The following CSMD1 variants were observed in gnomAD, a reference collection of about 807,000 sequenced individuals.
CSMD1 encodes CUB and Sushi multiple domains 1.
A neutral mutation model predicts 417.5 loss-of-function variants in CSMD1; 213 were observed. The observed-to-expected ratio is 0.51, with a 90% CI of 0.46 to 0.57. The LOEUF (loss-of-function observed/expected upper bound fraction) is 0.57, where lower values mean the gene tolerates loss of function less well. CSMD1 is among the 20% of genes least tolerant of loss of function. The pLI, the probability that CSMD1 is intolerant of heterozygous loss-of-function variation, is 0.00. For missense variants in CSMD1, 6,923 were observed against 4,529.7 expected, an observed-to-expected ratio of 1.53 and a Z score of -15.17; for synonymous variants, 2,862 against 1,736.8, an observed-to-expected ratio of 1.65 and a Z score of -16.11.
intron 3 of CSMD1, among the ~76,000 whole-genome samples, chr8:4,114,786 C>A (rs766603503): frequency 6.6e-6 from 1 of 152,086 alleles, no homozygotes; most frequent in African/African-American, 2.4e-5. Context: ...AGCAGAGGTA[C>A]CTGCAGATGT....
chr8:4,385,987 T>G (rs558968694), intron 3 of CSMD1, among the ~76,000 whole-genome samples: 21 of 150,736 alleles, frequency 1.4e-4, no homozygotes, highest in Admixed American at 2.6e-4. Flanking sequence ...TTAAGTTCAT[T>G]TCCTCTGTTT....
chr8:4,191,609 T>A (rs1584993404), intron 3 of CSMD1, among the ~76,000 whole-genome samples: 1 of 152,070 alleles, frequency 6.6e-6, no homozygotes, highest in Admixed American at 6.5e-5. Flanking sequence ...AAGCTTTCTA[T>A]GTTGAAAGAA....
At chr8:4,424,930 A>C (rs995543905) in intron 2 of CSMD1, among the ~76,000 whole-genome samples, 3 of 152,120 alleles carry the variant, frequency 2.0e-5, no homozygotes. Flanking sequence ...TACATTGGAA[A>C]GGTTGAGACT....
intron 10 of CSMD1, among the ~76,000 whole-genome samples, chr8:3,533,411 C>G (rs1160901301): frequency 6.6e-6 from 1 of 152,168 alleles, no homozygotes; most frequent in East Asian, 1.9e-4. Flanking sequence ...TCCCTGATAA[C>G]AGTGGTTTGA....
At chr8:4,132,465 T>C (rs1803169852) in intron 3 of CSMD1, among the ~76,000 whole-genome samples, 1 of 152,196 alleles carries the variant, frequency 6.6e-6, no homozygotes, top group Non-Finnish European at 1.5e-5. Flanking sequence ...ATTTAACTTT[T>C]ACTTTAACAG....
intron 7 of CSMD1, among the ~76,000 whole-genome samples, chr8:3,686,984 G>A (rs749220304): frequency 5.3e-5 from 8 of 152,280 alleles, no homozygotes; most frequent in South Asian, 2.1e-4. Flanking sequence ...TTGTTCAAAC[G>A]TATCAGGACA....
chr8:3,899,823 C>T (rs1009935910), intron 5 of CSMD1, among the ~76,000 whole-genome samples: 1 of 152,152 alleles, frequency 6.6e-6, no homozygotes, highest in Non-Finnish European at 1.5e-5. Context: ...TCAGTATGAC[C>T]CTACCACAGG....
chr8:4,468,299 T>C (rs1440339046), intron 2 of CSMD1, among the ~76,000 whole-genome samples: 2 of 152,016 alleles, frequency 1.3e-5, no homozygotes, highest in Non-Finnish European at 2.9e-5. Flanking sequence ...GAGAAAGTGT[T>C]GATCTTCTGT....
intron 49 of CSMD1, among the ~76,000 whole-genome samples, chr8:3,057,876 T>C (rs11988388): frequency 0.61 from 92,093 of 152,034 alleles, 28,287 homozygotes; most frequent in Non-Finnish European, 0.65. Flanking sequence ...TAGTGGTTCC[T>C]TATTTCCCGC....
chr8:3,543,352 C>G (rs1011854301), intron 10 of CSMD1, among the ~76,000 whole-genome samples: 1 of 152,082 alleles, frequency 6.6e-6, no homozygotes, highest in African/African-American at 2.4e-5. Context: ...TTTGAGCAAA[C>G]TAGAGATATA....
intron 11 of CSMD1, 151 bp downstream of exon 11, chr8:3,493,472 C>T (rs993947058): frequency 1.7e-6 from 1 of 587,750 alleles, no homozygotes; most frequent in Admixed American, 3.1e-5. Context: ...TGTTCTCATA[C>T]AAAATGAGAT....
At chr8:3,750,718 C>T (rs936689762) in intron 6 of CSMD1, among the ~76,000 whole-genome samples, 2 of 152,070 alleles carry the variant, frequency 1.3e-5, no homozygotes, top group Admixed American at 6.6e-5. Flanking sequence ...TGATCTTACT[C>T]GCAAAAAACC....
rs567130748 is a variant in CSMD1, at chr8:2,976,908, C to T, written c.8566+1704G>A. ...ATCTTCATGGTCTAAAATACACTGA[C>T]AATAAAGCTGTAAGAGGGGCCATAA... On this transcript the variant is annotated intron_variant, in intron 55 of 69. Coordinates refer to ENST00000635120, the MANE Select transcript of CSMD1 (RefSeq NM_033225.6). Among the ~76,000 whole-genome samples the T allele has an allele frequency of 7.2e-4, 110 of 151,734 alleles. No homozygotes were observed. In the South Asian group the frequency reaches 0.015, roughly 20 times the overall value.
chr8:4,447,902 C>T (rs989898187), intron 2 of CSMD1, among the ~76,000 whole-genome samples: 2 of 152,220 alleles, frequency 1.3e-5, no homozygotes, highest in Admixed American at 6.5e-5. Context: ...TGTTCGATTA[C>T]TCATCTTTCG....
At chr8:3,496,710 C>T (rs1026777628) in intron 10 of CSMD1, among the ~76,000 whole-genome samples, 3 of 152,042 alleles carry the variant, frequency 2.0e-5, no homozygotes, top group African/African-American at 7.2e-5. Flanking sequence ...CCTATAGCCC[C>T]AGCTACTCGG....
At chr8:4,902,038 G>T (rs1804905809) in intron 1 of CSMD1, among the ~76,000 whole-genome samples, 1 of 152,088 alleles carries the variant, frequency 6.6e-6, no homozygotes, top group Admixed American at 6.5e-5. Flanking sequence ...AACATACTGT[G>T]GCTTTGGCTA....
chr8:3,583,917 G>A (rs562591575), intron 9 of CSMD1, among the ~76,000 whole-genome samples: 4 of 151,480 alleles, frequency 2.6e-5, no homozygotes, highest in South Asian at 2.1e-4. Flanking sequence ...TTGTCCCTCT[G>A]AAGTGTCAGC....
intron 64 of CSMD1, 38 bp downstream of exon 64, chr8:2,955,551 C>G (rs755642929): frequency 1.2e-6 from 2 of 1,605,912 alleles, no homozygotes; most frequent in Non-Finnish European, 1.7e-6. Flanking sequence ...TTCCCTTGCT[C>G]TTTGGAAAAG....
chr8:4,127,748 T>A (rs1315034133), intron 3 of CSMD1, among the ~76,000 whole-genome samples: 3 of 152,234 alleles, frequency 2.0e-5, no homozygotes, highest in African/African-American at 7.2e-5. Context: ...ATGTGCCAGC[T>A]ACCAAGTCTT....
Sources: allele counts gnomAD v4.1 joint callset (sites outside exome capture counted in the v4.1 genomes callset), GRCh38; gene constraint gnomAD v4.1.1; transcripts MANE v1.5; gene names NCBI Gene and HGNC (gene_info 2026-07-23, HGNC 2026-07-21).